The following CACNA1A variants were observed in gnomAD, a reference collection of about 807,000 sequenced individuals.
The protein encoded by CACNA1A is calcium voltage-gated channel subunit alpha1 A.
CACNA1A carries 57 observed loss-of-function variants against 262.4 expected under a neutral mutation model. That is an observed-to-expected ratio of 0.22 (90% CI 0.18 to 0.27). The LOEUF is 0.27. Among genes scored for constraint, CACNA1A ranks in the 10% least tolerant of loss-of-function variants. The pLI, the probability that CACNA1A is intolerant of heterozygous loss-of-function variation, is 1.00. For synonymous variants in CACNA1A, 1,431 were observed against 1,419.3 expected (o/e 1.01, Z -0.18); for missense variants, 2,526 against 3,562.8 (o/e 0.71, Z 7.41).
chr19:13,214,291 A>G lies in CACNA1A; in HGVS notation c.5882T>C (p.Ile1961Thr). The change falls in exon 40 of 47, where the codon ATC becomes ACC. Residue 1961 changes from isoleucine (I) to threonine (T), a missense_variant. By Grantham distance (89) the Ile-to-Thr change is moderately conservative. This residue lies in a region of CACNA1A where 112 missense variants were observed against 197.2 expected (regional missense o/e 0.57). Transcript: ENST00000360228. The surrounding 1 kb of genome is among the most constrained non-coding windows in gnomAD (Gnocchi z 4.1). ...CTTGCTCTGCCGGTAGTACTCCATG[A>G]TCATCATGGCTGCGTAGATCTTCCC... ...TVGKIYAAMM[I>T]MEYYRQSKAK... 1.2e-6 allele frequency: 2 copies of G among 1,612,572 alleles called. No individual in the cohort carries two copies. The highest frequency in any genetic ancestry group is 1.7e-6 in the Non-Finnish European group (2 of 1,179,868).
intron 2 of CACNA1A, 70 bp downstream of exon 2, chr19:13,455,037 G>T: frequency 1.1e-6 from 1 of 888,700 alleles, no homozygotes; most frequent in Non-Finnish European, 1.9e-6. Flanking sequence ...TCTGTGCCCT[G>T]CTCCACTCCC....
intron 24 of CACNA1A, among the ~76,000 whole-genome samples, chr19:13,271,157 A>G: frequency 6.6e-6 from 1 of 151,730 alleles, no homozygotes; most frequent in East Asian, 1.9e-4. Context: ...CTTGATATTT[A>G]AAAAGAAAAC....
At chr19:13,400,690 C>T (rs989021026) in intron 3 of CACNA1A, among the ~76,000 whole-genome samples, 3 of 152,218 alleles carry the variant, frequency 2.0e-5, no homozygotes, top group East Asian at 1.9e-4. Context: ...ATTTTTGGTT[C>T]TCACAACTGG....
chr19:13,349,810 C>T (rs769409560), intron 6 of CACNA1A, among the ~76,000 whole-genome samples: 2 of 152,120 alleles, frequency 1.3e-5, no homozygotes, highest in Non-Finnish European at 2.9e-5. Flanking sequence ...TATATTTTTA[C>T]CATCAAGGAA....
intron 10 of CACNA1A, among the ~76,000 whole-genome samples, chr19:13,318,906 TGAGACAGGATC>T (rs2058188545): frequency 2.7e-5 from 4 of 149,370 alleles, no homozygotes; most frequent in African/African-American, 7.5e-5. Context: ...TTTTTTTTTT[TGAGACAGGATC>T]TTGCTTTGTT....
chr19:13,402,719 CAT>C (rs200958964), intron 3 of CACNA1A, among the ~76,000 whole-genome samples: 76 of 143,242 alleles, frequency 5.3e-4, no homozygotes, highest in East Asian at 1.2e-3. Context: ...GACCAAATTT[CAT>C]ATATATATAT....
chr19:13,370,222 TCCCG>T (rs2059296615), intron 4 of CACNA1A, among the ~76,000 whole-genome samples: 1 of 151,844 alleles, frequency 6.6e-6, no homozygotes, highest in African/African-American at 2.4e-5. Flanking sequence ...TGCCTCAGCC[TCCCG>T]AGTAGCTGGG....
chr19:13,210,736 G>A (rs1568421677), intron 43 of CACNA1A, 84 bp from the exon 44 acceptor site: 5 of 1,289,916 alleles, frequency 3.9e-6, no homozygotes, highest in Non-Finnish European at 5.5e-6. Flanking sequence ...GAGTGAGGAG[G>A]TGGTGCATGG....
intron 1 of CACNA1A, among the ~76,000 whole-genome samples, chr19:13,464,748 C>T (rs529834782): frequency 6.6e-6 from 1 of 151,476 alleles, no homozygotes; most frequent in South Asian, 2.1e-4. Flanking sequence ...CGGGGTTTCA[C>T]CGTGTTAGCC....
chr19:13,344,116 A>G (rs1472917177), intron 6 of CACNA1A, among the ~76,000 whole-genome samples: 1 of 151,774 alleles, frequency 6.6e-6, no homozygotes, highest in African/African-American at 2.4e-5. Flanking sequence ...GGGGATGCTG[A>G]AGTGGGAGGT....
At chr19:13,402,873 CATATATATATATATATATATATATAT>C (rs71170507) in intron 3 of CACNA1A, among the ~76,000 whole-genome samples, 69 of 72,814 alleles carry the variant, frequency 9.5e-4, no homozygotes, top group Middle Eastern at 8.3e-3. Flanking sequence ...CACACACACA[CATATATATATATATATATATATATAT>C]ATATATATAT....
At chr19:13,293,907 C>T (rs780164782) in intron 19 of CACNA1A, among the ~76,000 whole-genome samples, 1 of 152,060 alleles carries the variant, frequency 6.6e-6, no homozygotes, top group Non-Finnish European at 1.5e-5. Context: ...CCCCAAAGTC[C>T]TTGCCTTTCA....
At chr19:13,334,523 G>A (rs1427993796) in intron 7 of CACNA1A, 30 bp from the exon 8 acceptor site, 2 of 1,192,756 alleles carry the variant, frequency 1.7e-6, no homozygotes, top group Admixed American at 1.7e-5. Context: ...CCAGAGTATG[G>A]CTGTTTTGAA....
At chr19:13,237,806 G>C (rs1468291081) in intron 31 of CACNA1A, among the ~76,000 whole-genome samples, 1 of 152,178 alleles carries the variant, frequency 6.6e-6, no homozygotes, top group Non-Finnish European at 1.5e-5. Context: ...GCTCCACCTG[G>C]GGATGGGGCC....
chr19:13,498,890 T>C lies in CACNA1A; in HGVS notation c.293+7042A>G, dbSNP rs572598443. On this transcript the variant is annotated intron_variant, in intron 1 of 46. Transcript: ENST00000360228. ...GTTTCCAGAGATGCTAAACCCAGGATAGTCCCAGGCAACCCTGGCTGAAGG... is the reference window on the plus strand; with the variant it reads ...GTTTCCAGAGATGCTAAACCCAGGACAGTCCCAGGCAACCCTGGCTGAAGG... Among the ~76,000 whole-genome samples, 6 of 152,240 alleles carry C rather than the reference T, an allele frequency of 3.9e-5. No individual in the cohort carries two copies. The South Asian group carries it at 1.0e-3, about 26-fold the overall frequency.
intron 38 of CACNA1A, 38 bp downstream of exon 38, chr19:13,224,629 G>T: frequency 1.4e-6 from 2 of 1,433,862 alleles, no homozygotes; most frequent in Non-Finnish European, 1.9e-6. Flanking sequence ...GTTCCACCCT[G>T]TCACGCCTGT....
chr19:13,303,503 A>AGGT (rs1175095300), intron 17 of CACNA1A, 43 bp downstream of exon 17: 1 of 747,222 alleles, frequency 1.3e-6, no homozygotes, highest in African/African-American at 2.1e-5. Context: ...TGCCATGGGC[A>AGGT]GGTGGTAACT....
intron 16 of CACNA1A, 59 bp from the exon 17 acceptor site, chr19:13,303,672 T>C: frequency 6.4e-7 from 1 of 1,574,716 alleles, no homozygotes; most frequent in Non-Finnish European, 8.7e-7. Context: ...GGGCCCTGGG[T>C]ATCTGGGTCT....
At chr19:13,288,353 C>G (rs969364457) in intron 19 of CACNA1A, among the ~76,000 whole-genome samples, 10 of 151,860 alleles carry the variant, frequency 6.6e-5, no homozygotes, top group South Asian at 2.1e-4. Context: ...GATCCTCGTG[C>G]CTCAGCCTCC....
Sources: allele counts gnomAD v4.1 joint callset (sites outside exome capture counted in the v4.1 genomes callset), GRCh38; gene constraint gnomAD v4.1.1; regional missense constraint gnomAD v4.1.1; non-coding constraint Gnocchi (gnomAD v3.1); transcripts MANE v1.5; gene names NCBI Gene and HGNC (gene_info 2026-07-23, HGNC 2026-07-21).